The following CTNND2 variants were observed in gnomAD, a reference collection of about 807,000 sequenced individuals.
CTNND2 encodes catenin delta 2, also known as catenin delta-2.
Under a neutral mutation model 144.4 loss-of-function variants are expected in CTNND2, and 22 were observed. The ratio of observed to expected loss-of-function variants is 0.15; its 90% CI spans 0.11 to 0.22. The LOEUF (loss-of-function observed/expected upper bound fraction) is 0.22, where lower values mean the gene tolerates loss of function less well. Ranked by LOEUF, CTNND2 falls within the 10% of genes least tolerant of loss-of-function variation. The pLI is 1.00. For missense variants in CTNND2, 1,353 were observed against 1,618.8 expected, an observed-to-expected ratio of 0.84 and a Z score of 2.82; for synonymous variants, 751 against 695.6, an observed-to-expected ratio of 1.08 and a Z score of -1.25.
intron 8 of CTNND2, among the ~76,000 whole-genome samples, chr5:11,362,158 G>C (rs1415268506): frequency 1.3e-5 from 2 of 152,076 alleles, no homozygotes; most frequent in African/African-American, 2.4e-5. Context: ...CAGGGTAGCG[G>C]TATGTACAAC....
At chr5:11,669,073 T>C (rs1234101258) in intron 2 of CTNND2, among the ~76,000 whole-genome samples, 1 of 152,204 alleles carries the variant, frequency 6.6e-6, no homozygotes, top group African/African-American at 2.4e-5. Context: ...TGTTTATTGA[T>C]TTACATATAT....
chr5:11,127,053 T>A (rs1182986967), intron 12 of CTNND2, among the ~76,000 whole-genome samples: 1 of 152,242 alleles, frequency 6.6e-6, no homozygotes, highest in African/African-American at 2.4e-5. Context: ...GGGTGGGGTC[T>A]GCAGGCTCCA....
intron 1 of CTNND2, among the ~76,000 whole-genome samples, chr5:11,766,696 G>A (rs1463849210): frequency 6.6e-6 from 1 of 152,110 alleles, no homozygotes; most frequent in African/African-American, 2.4e-5. Flanking sequence ...CCTCAATTTA[G>A]ACCAGGGTGG....
intron 9 of CTNND2, among the ~76,000 whole-genome samples, chr5:11,309,972 C>A (rs192001300): frequency 1.8e-4 from 27 of 152,162 alleles, no homozygotes; most frequent in Non-Finnish European, 2.9e-4. Flanking sequence ...TGTAAGTTTC[C>A]TGGGGCCTCC....
chr5:11,840,007 T>C (rs1794375722), intron 1 of CTNND2, among the ~76,000 whole-genome samples: 1 of 152,184 alleles, frequency 6.6e-6, no homozygotes, highest in African/African-American at 2.4e-5. Context: ...AAAATTCAAG[T>C]CTTGCATTTT....
intron 11 of CTNND2, among the ~76,000 whole-genome samples, chr5:11,189,165 T>G (rs1436927682): frequency 1.3e-5 from 2 of 152,310 alleles, no homozygotes; most frequent in African/African-American, 4.8e-5. Flanking sequence ...CCAAGACTCC[T>G]CTCAATGCTG....
At chr5:11,169,431 G>T (rs553642541) in intron 11 of CTNND2, among the ~76,000 whole-genome samples, 4 of 152,312 alleles carry the variant, frequency 2.6e-5, no homozygotes, top group African/African-American at 7.2e-5. Flanking sequence ...GTAAAAAATA[G>T]AGTCTGGCAA....
chr5:11,262,533 C>T (rs1045741857), intron 9 of CTNND2, among the ~76,000 whole-genome samples: 10 of 151,826 alleles, frequency 6.6e-5, no homozygotes, highest in Non-Finnish European at 1.0e-4. Flanking sequence ...GAGGCCGAGG[C>T]GGGTGGATCA....
chr5:11,854,778 C>T lies in CTNND2; in HGVS notation c.37+49039G>A, dbSNP rs115653771. ...GGATCTCGTTCTAACGATTTGGCCA[C>T]GAAGTAGTTCTTCAACCTTCCTGAG... On this transcript the variant is annotated intron_variant, in intron 1 of 21. Coordinates refer to ENST00000304623, the MANE Select transcript of CTNND2 (RefSeq NM_001332.4). 6.0e-3 allele frequency among the ~76,000 whole-genome samples: 913 copies of T among 152,278 alleles called. 9 individuals carry two copies. The highest frequency in any genetic ancestry group is 6.5e-3 in the Non-Finnish European group (440 of 68,022).
At chr5:11,506,744 G>A (rs1172505965) in intron 3 of CTNND2, among the ~76,000 whole-genome samples, 1 of 152,188 alleles carries the variant, frequency 6.6e-6, no homozygotes, top group Non-Finnish European at 1.5e-5. Context: ...TTGGCAAAGT[G>A]CCTGATGGCT....
chr5:11,115,958 T>C (rs1261629350), intron 13 of CTNND2, among the ~76,000 whole-genome samples: 1 of 152,250 alleles, frequency 6.6e-6, no homozygotes, highest in African/African-American at 2.4e-5. Flanking sequence ...TTTTATTTGT[T>C]CTTTATCTAA....
chr5:10,989,274 G>A (rs7703737), intron 19 of CTNND2, among the ~76,000 whole-genome samples: 20,566 of 152,112 alleles, frequency 0.14, 1,462 homozygotes, highest in East Asian at 0.16. Flanking sequence ...GTCCAGCTCC[G>A]CAGGAGCTCA....
chr5:11,186,519 G>A (rs1735643265), intron 11 of CTNND2, among the ~76,000 whole-genome samples: 1 of 152,132 alleles, frequency 6.6e-6, no homozygotes, highest in Non-Finnish European at 1.5e-5. Context: ...TGATAAACGG[G>A]CCATATATTT....
intron 9 of CTNND2, among the ~76,000 whole-genome samples, chr5:11,285,377 T>C (rs891783886): frequency 6.6e-6 from 1 of 152,208 alleles, no homozygotes; most frequent in Non-Finnish European, 1.5e-5. Context: ...GTTTTGCTGC[T>C]TTAACTACTG....
intron 1 of CTNND2, among the ~76,000 whole-genome samples, chr5:11,878,843 T>C (rs1018383878): frequency 6.6e-6 from 1 of 152,168 alleles, no homozygotes; most frequent in Non-Finnish European, 1.5e-5. Context: ...TGGGGCACCA[T>C]CATTTGCAAG....
At chr5:11,365,188 G>A (rs572973355) in intron 7 of CTNND2, among the ~76,000 whole-genome samples, 45 of 152,312 alleles carry the variant, frequency 3.0e-4, no homozygotes, top group Middle Eastern at 3.4e-3. Context: ...ATGTAGCTAG[G>A]TTCTTCACTA....
At chr5:11,332,005 G>A (rs1753192919) in intron 9 of CTNND2, among the ~76,000 whole-genome samples, 1 of 152,138 alleles carries the variant, frequency 6.6e-6, no homozygotes, top group Non-Finnish European at 1.5e-5. Flanking sequence ...GCCGGGCATG[G>A]TGGCTCATGC....
At chr5:11,462,823 G>T (rs1166029233) in intron 3 of CTNND2, among the ~76,000 whole-genome samples, 4 of 151,692 alleles carry the variant, frequency 2.6e-5, no homozygotes, top group Non-Finnish European at 5.9e-5. Flanking sequence ...ACACTTGTCT[G>T]CAGCAAATAA....
chr5:11,310,716 C>T (rs1039580974), intron 9 of CTNND2, among the ~76,000 whole-genome samples: 3 of 151,908 alleles, frequency 2.0e-5, no homozygotes, highest in South Asian at 2.1e-4. Context: ...GTTCCTCCTC[C>T]CTGTGAGACA....
Sources: allele counts gnomAD v4.1 joint callset (sites outside exome capture counted in the v4.1 genomes callset), GRCh38; gene constraint gnomAD v4.1.1; transcripts MANE v1.5; gene names NCBI Gene and HGNC (gene_info 2026-07-23, HGNC 2026-07-21).